The following NHERF1 variants were observed in gnomAD, a reference collection of about 807,000 sequenced individuals.
NHERF1 encodes the protein Na(+)/H(+) exchange regulatory cofactor NHE-RF1.
the NHERF1 span, among the ~76,000 whole-genome samples, chr17:74,766,183 G>T: frequency 0.011 from 1,618 of 151,200 alleles, 28 homozygotes; most frequent in African/African-American, 0.037. Context: ...TTTTTGGTTT[G>T]TTTTTTTTGT....
the NHERF1 span, chr17:74,768,735 C>T: frequency 7.8e-7 from 1 of 1,285,074 alleles, no homozygotes; most frequent in Non-Finnish European, 1.1e-6. Flanking sequence ...CAATTACTCC[C>T]CTGAATCAAT....
the NHERF1 span, among the ~76,000 whole-genome samples, chr17:74,760,189 C>T: frequency 6.6e-6 from 1 of 152,018 alleles, no homozygotes; most frequent in Non-Finnish European, 1.5e-5. The surrounding 1 kb of genome is among the most constrained non-coding windows in gnomAD (Gnocchi z 4.5). Context: ...CACTTACTCC[C>T]GGAACAAGAT....
chr17:74,761,998 C>T, the NHERF1 span: 2 of 1,613,668 alleles, frequency 1.2e-6, no homozygotes, highest in East Asian at 2.2e-5. The surrounding 1 kb of genome is among the most constrained non-coding windows in gnomAD (Gnocchi z 4.3). Context: ...ATGGACCCTC[C>T]CCTGTCCCTG....
chr17:74,762,039 A>C, the NHERF1 span: 21 of 1,613,994 alleles, frequency 1.3e-5, no homozygotes, highest in Middle Eastern at 4.9e-4. The surrounding 1 kb of genome is among the most constrained non-coding windows in gnomAD (Gnocchi z 4.2). Context: ...GCTCTGTACC[A>C]TGAAGAAGGG....
At chr17:74,748,741 C>G in the NHERF1 span, 1 of 1,059,992 alleles carries the variant, frequency 9.4e-7, no homozygotes, top group Non-Finnish European at 1.3e-6. The surrounding 1 kb of genome is among the most constrained non-coding windows in gnomAD (Gnocchi z 4.3). Context: ...CGGCTCAGGG[C>G]TTCTCTGCTG....
the NHERF1 span, among the ~76,000 whole-genome samples, chr17:74,763,866 A>G: frequency 6.6e-6 from 1 of 152,218 alleles, no homozygotes; most frequent in African/African-American, 2.4e-5. Context: ...GGCAGTGTCA[A>G]TGTGAGGAAA....
At chr17:74,767,017 G>A in the NHERF1 span, 2 of 1,583,364 alleles carry the variant, frequency 1.3e-6, no homozygotes, top group Non-Finnish European at 1.7e-6. Flanking sequence ...TCAATCCTTG[G>A]GGTGCATGAG....
chr17:74,767,765 C>T, the NHERF1 span, among the ~76,000 whole-genome samples: 5 of 152,290 alleles, frequency 3.3e-5, no homozygotes, highest in Non-Finnish European at 5.9e-5. Context: ...ATTCAGGGAG[C>T]ACCACATGGG....
chr17:74,752,442 G>T, the NHERF1 span, among the ~76,000 whole-genome samples: 1 of 152,080 alleles, frequency 6.6e-6, no homozygotes, highest in Admixed American at 6.6e-5. Flanking sequence ...CTCCCAGGGA[G>T]CCTGTCCTTA....
chr17:74,758,692 G>A, the NHERF1 span, among the ~76,000 whole-genome samples: 1 of 151,720 alleles, frequency 6.6e-6, no homozygotes. The surrounding 1 kb of genome is among the most constrained non-coding windows in gnomAD (Gnocchi z 4.3). Context: ...TAAGATCCTG[G>A]GGGCCACACA....
the NHERF1 span, chr17:74,748,650 T>G: frequency 7.7e-6 from 4 of 522,536 alleles, no homozygotes; most frequent in African/African-American, 6.1e-5. This position sits in a 1 kb window ranked among gnomAD's most constrained non-coding sequence, Gnocchi z 4.3. Flanking sequence ...GGGCGGGGAT[T>G]GGTCTGTGGT....
chr17:74,760,943 A>G, the NHERF1 span, among the ~76,000 whole-genome samples: 1 of 152,222 alleles, frequency 6.6e-6, no homozygotes, highest in Non-Finnish European at 1.5e-5. This position sits in a 1 kb window ranked among gnomAD's most constrained non-coding sequence, Gnocchi z 4.5. Flanking sequence ...ACACAGGGCC[A>G]GCAGGCTGGA....
the NHERF1 span, among the ~76,000 whole-genome samples, chr17:74,756,642 A>G: frequency 7.6e-4 from 115 of 152,174 alleles, no homozygotes; most frequent in African/African-American, 2.4e-3. Context: ...CTGGCATTAT[A>G]TATCTACTGG....
chr17:74,767,815 C>T, the NHERF1 span, among the ~76,000 whole-genome samples: 1 of 152,150 alleles, frequency 6.6e-6, no homozygotes, highest in East Asian at 1.9e-4. Context: ...CCAAGAAGCC[C>T]CTCCCTGGTC....
At chr17:74,766,665 C>G in the NHERF1 span, among the ~76,000 whole-genome samples, 1 of 151,690 alleles carries the variant, frequency 6.6e-6, no homozygotes, top group Admixed American at 6.6e-5. Context: ...CCTGTAATCC[C>G]AACACTTTGG....
chr17:74,766,508 A>G, the NHERF1 span, among the ~76,000 whole-genome samples: 1 of 151,696 alleles, frequency 6.6e-6, no homozygotes, highest in African/African-American at 2.4e-5. Context: ...TGGCCCAGAC[A>G]TTTTTTTGTT....
At chr17:74,749,644 C>G in the NHERF1 span, among the ~76,000 whole-genome samples, 91 of 152,182 alleles carry the variant, frequency 6.0e-4, no homozygotes, top group African/African-American at 2.0e-3. This position sits in a 1 kb window ranked among gnomAD's most constrained non-coding sequence, Gnocchi z 5.6. Flanking sequence ...TGCTCCTTCC[C>G]TGGTGCCCTC....
At chr17:74,755,439 A>C in the NHERF1 span, among the ~76,000 whole-genome samples, 1 of 152,124 alleles carries the variant, frequency 6.6e-6, no homozygotes, top group Non-Finnish European at 1.5e-5. Context: ...CCTTCCCCTC[A>C]TGGTAGGACA....
At chr17:74,761,153 T>G in the NHERF1 span, among the ~76,000 whole-genome samples, 1 of 152,190 alleles carries the variant, frequency 6.6e-6, no homozygotes, top group Non-Finnish European at 1.5e-5. This position sits in a 1 kb window ranked among gnomAD's most constrained non-coding sequence, Gnocchi z 4.3. Flanking sequence ...GTCCAAGCAC[T>G]CGAAATCTGC....
Sources: allele counts gnomAD v4.1 joint callset (sites outside exome capture counted in the v4.1 genomes callset), GRCh38; gene constraint gnomAD v4.1.1; non-coding constraint Gnocchi (gnomAD v3.1); transcripts MANE v1.5; gene names NCBI Gene and HGNC (gene_info 2026-07-23, HGNC 2026-07-21).